DDX59: variants seen among roughly 807,000 people sequenced by gnomAD.
DDX59 encodes the protein DEAD-box helicase 59.
In DDX59, 30 loss-of-function variants were observed where a neutral mutation model predicts 51.9. The ratio of observed to expected loss-of-function variants is 0.58; its 90% CI spans 0.43 to 0.78. The LOEUF is 0.78. Ranked by LOEUF, DDX59 falls within the 30% of genes least tolerant of loss-of-function variation. The pLI is 0.00. For missense variants in DDX59, 672 were observed against 730.8 expected, an observed-to-expected ratio of 0.92 and a Z score of 0.93; for synonymous variants, 255 against 253.3, an observed-to-expected ratio of 1.01 and a Z score of -0.06.
chr1:200,656,556 T>G (rs1323509769), intron 4 of DDX59, among the ~76,000 whole-genome samples: 1 of 152,216 alleles, frequency 6.6e-6, no homozygotes, highest in South Asian at 2.1e-4. Flanking sequence ...ATATAACTGA[T>G]TATGTTTACC....
intron 5 of DDX59, among the ~76,000 whole-genome samples, chr1:200,649,456 G>A (rs1352995365): frequency 2.0e-5 from 3 of 151,682 alleles, no homozygotes; most frequent in Non-Finnish European, 4.4e-5. Context: ...GTGAAACCCC[G>A]TCTCTACTAA....
rs969855320 is a variant in DDX59, at chr1:200,650,432, A to T, written c.1307T>A (p.Ile436Asn). Residue 436 changes from isoleucine to asparagine, a missense_variant, in exon 5 of 8, where the codon ATT (isoleucine) becomes AAT (asparagine). By Grantham distance (149) the Ile-to-Asn change is moderately radical (BLOSUM62 -3). Coordinates refer to ENST00000331314, the MANE Select transcript of DDX59 (RefSeq NM_001031725.6). ...AACTGCTTTACTACTCACATTTAAA[A>T]TTTCAAATAATTTTTTCTTTTTGGC... ...DPAKKKKLFE[I>N]LNDKKLFKPP... 6.2e-7 allele frequency: 1 copy of T among 1,611,900 alleles called. No homozygotes were observed. Among genetic ancestry groups the T allele is most frequent in the South Asian group, 1.1e-5 (1 of 90,818 alleles).
chr1:200,661,909 T>C (rs556126967), intron 3 of DDX59, among the ~76,000 whole-genome samples: 2 of 152,302 alleles, frequency 1.3e-5, no homozygotes, highest in Admixed American at 6.5e-5. Context: ...CTATTTCTCA[T>C]GGTTTAACAC....
In DDX59 at chr1:200,669,805, T is replaced by G. The variant is rs1407346620; in HGVS notation, c.-50A>C. The G allele has an allele frequency of 6.6e-6, 1 of 152,542 alleles. No homozygotes were observed. The highest frequency in any genetic ancestry group is 1.5e-5 in the Non-Finnish European group (1 of 68,410). 9.4% of individuals were successfully genotyped at this position (152,542 alleles called of 1,614,324 possible). A position where few individuals can be genotyped will look rare whatever the true frequency, so the allele number is the denominator to read the frequency against. On this transcript the variant is annotated 5_prime_UTR_variant, in exon 1 of 8. Transcript: ENST00000331314. Reference sequence around the variant, plus strand: ...AGGCCGCGTCCGCTCCCGCTCCCGCTCGGGCCGTCTCCCCCTTCCAGGCTC... The same window carrying G: ...AGGCCGCGTCCGCTCCCGCTCCCGCGCGGGCCGTCTCCCCCTTCCAGGCTC...
At chr1:200,650,320 C>A in intron 5 of DDX59, 105 bp downstream of exon 5, 5 of 1,245,142 alleles carry the variant, frequency 4.0e-6, no homozygotes, top group Non-Finnish European at 5.4e-6. Context: ...TTAGTAAATA[C>A]CTATATCAAA....
In DDX59 at chr1:200,664,022, TGTCTC is replaced by T; in HGVS notation, c.864_868del (p.Arg289SerfsTer2). On this transcript the variant is annotated frameshift_variant, in exon 3 of 8. Transcript: ENST00000331314. LOFTEE classifies it high-confidence loss of function. ...CAGGCCACTCATCAATTCTTTAGCT[TGTCTC>T]TCTATCTGAATGGCTAACTCTCTGG... 6.2e-7 allele frequency: 1 copy of T among 1,614,222 alleles called. No homozygotes were observed.
intron 4 of DDX59, among the ~76,000 whole-genome samples, chr1:200,651,201 G>GC (rs1553268150): frequency 6.8e-6 from 1 of 148,072 alleles, no homozygotes; most frequent in Non-Finnish European, 1.5e-5. Flanking sequence ...TGCAAAGTTT[G>GC]TTTTTTTTTT....
In DDX59 at chr1:200,644,230, AAAAT is replaced by A. The variant is rs1661149360; in HGVS notation, c.*20_*23del. On this transcript the variant is annotated 3_prime_UTR_variant, in exon 8 of 8. Coordinates refer to ENST00000331314, the MANE Select transcript of DDX59 (RefSeq NM_001031725.6). ...TTTTGCTGACTATATACAATAAAAA[AAAAT>A]ATTCAAGTGGCAGAGAAAATCATTT... The A allele has an allele frequency of 2.0e-6, 3 of 1,489,546 alleles. No individual in the cohort carries two copies. The African/African-American group carries it at 4.2e-5, about 21-fold the overall frequency. The allele number at this position is 1,489,546 out of a possible 1,614,324, so 92.3% of individuals were successfully genotyped here. A position where few individuals can be genotyped will look rare whatever the true frequency, so the allele number is the denominator to read the frequency against.
At position 200,665,962 on chromosome 1, in the gene DDX59, GGAA is replaced by G. The variant is rs1662701620; in HGVS notation, c.776_778del (p.Leu259del). 6.2e-7 allele frequency: 1 copy of G among 1,610,514 alleles called. No individual in the cohort carries two copies. On this transcript the variant is annotated inframe_deletion, in exon 2 of 8. Coordinates refer to ENST00000331314, the MANE Select transcript of DDX59 (RefSeq NM_001031725.6). ...CTCGAATAAAGCTCGCATGATAACA[GGAA>G]GAAGAAAAGCAGCTGTTTTTCCTGA... is the stretch of plus-strand genomic sequence containing the variant.
At chr1:200,655,089 C>T (rs963993260) in intron 4 of DDX59, 2 of 152,172 alleles carry the variant, frequency 1.3e-5, no homozygotes, top group Admixed American at 1.3e-4. Flanking sequence ...CAGAGGGACT[C>T]CCCAATGCCT....
At chr1:200,656,980 T>C (rs1251837518) in intron 4 of DDX59, among the ~76,000 whole-genome samples, 1 of 152,152 alleles carries the variant, frequency 6.6e-6, no homozygotes, top group African/African-American at 2.4e-5. Flanking sequence ...CCGGGTGCGG[T>C]GGCTCACACC....
intron 4 of DDX59, among the ~76,000 whole-genome samples, chr1:200,652,120 C>T (rs952272518): frequency 1.3e-5 from 2 of 151,902 alleles, no homozygotes; most frequent in African/African-American, 2.4e-5. Context: ...CCCTTCTGGG[C>T]CCTGATTCAG....
chr1:200,645,009 C>A (rs1661210778), intron 7 of DDX59, among the ~76,000 whole-genome samples: 1 of 151,656 alleles, frequency 6.6e-6, no homozygotes, highest in Non-Finnish European at 1.5e-5. Context: ...AGGCCTCCAC[C>A]AGCATATTTT....
intron 7 of DDX59, 85 bp downstream of exon 7, chr1:200,648,354 T>C: frequency 1.3e-6 from 2 of 1,575,182 alleles, no homozygotes; most frequent in Non-Finnish European, 1.7e-6. Context: ...CCGATACTGC[T>C]TTCTTAAACT....
At position 200,644,293 on chromosome 1, in the gene DDX59, A is replaced by T; in HGVS notation, c.1821T>A (p.Asp607Glu). 6.3e-7 allele frequency: 1 copy of T among 1,585,610 alleles called. No individual in the cohort carries two copies. The highest frequency in any genetic ancestry group is 8.6e-7 in the Non-Finnish European group (1 of 1,169,196). Reference sequence around the variant, plus strand: ...TACTTTTATCATGTTTTCTGATAATATCCATAAGATTAGCTCCTGTAACCA... The same window carrying T: ...TACTTTTATCATGTTTTCTGATAATTTCCATAAGATTAGCTCCTGTAACCA... ...NDLVTGANLM[D>E]IIRKHDKSNS... The change falls in exon 8 of 8, where the codon GAT (aspartate) becomes GAA (glutamate). Residue 607 changes from aspartate (D) to glutamate (E), a missense_variant. Transcript: ENST00000331314.
At chr1:200,643,518 C>A (rs939424187), downstream of DDX59, among the ~76,000 whole-genome samples, 14 of 152,006 alleles carry the variant, frequency 9.2e-5, no homozygotes, top group African/African-American at 3.1e-4. Context: ...TGGCAGGCGC[C>A]TGTAGTTCCA....
In DDX59 at chr1:200,666,202, T is replaced by C; in HGVS notation, c.539A>G (p.Asp180Gly). ...EHPFILNLQE[D>G]QIENLKQQLG... ...CTGCTGTTTAAGATTTTCAATCTGGTCTTCCTGAAGGTTCAAAATAAAGGG... is the reference window on the plus strand; with the variant it reads ...CTGCTGTTTAAGATTTTCAATCTGGCCTTCCTGAAGGTTCAAAATAAAGGG... Residue 180 changes from aspartate (D) to glycine (G), a missense_variant, in exon 2 of 8, where the codon GAC becomes GGC. Coordinates refer to ENST00000331314, the MANE Select transcript of DDX59 (RefSeq NM_001031725.6). The C allele has an allele frequency of 6.2e-7, 1 of 1,614,258 alleles. No homozygotes were observed. The highest frequency in any genetic ancestry group is 8.5e-7 in the Non-Finnish European group (1 of 1,180,044).
intron 4 of DDX59, chr1:200,654,447 T>C (rs971706275): frequency 6.6e-6 from 1 of 151,632 alleles, no homozygotes; most frequent in African/African-American, 2.4e-5. Flanking sequence ...TCACCTGGAA[T>C]GAGTTTGTAG....
At position 200,666,145 on chromosome 1, in the gene DDX59, G is replaced by A. The variant is rs1354005912; in HGVS notation, c.596C>T (p.Thr199Ile). Residue 199 changes from threonine (T) to isoleucine (I), a missense_variant, in exon 2 of 8, where the codon ACC becomes ATC. Thr to Ile is a moderately conservative substitution (Grantham distance 89). Transcript: ENST00000331314. The stretch of plus-strand genomic sequence containing the variant: ...ATGTTCAAAGTCAATAATGGGCCTG[G>A]TGACTTCTTGCCCTTGAACTAAAAT... ...LGILVQGQEV[T>I]RPIIDFEHCS... 1 of 1,614,190 alleles carries A rather than the reference G, an allele frequency of 6.2e-7. No homozygotes were observed. Among genetic ancestry groups the A allele is most frequent in the Non-Finnish European group, 8.5e-7 (1 of 1,180,040 alleles).
Sources: allele counts gnomAD v4.1 joint callset (sites outside exome capture counted in the v4.1 genomes callset), GRCh38; gene constraint gnomAD v4.1.1; transcripts MANE v1.5; gene names NCBI Gene and HGNC (gene_info 2026-07-23, HGNC 2026-07-21).